PPP1R16B: variants seen among roughly 807,000 people sequenced by gnomAD.
PPP1R16B encodes the protein protein phosphatase 1 regulatory inhibitor subunit 16B.
PPP1R16B carries 14 observed loss-of-function variants against 61.7 expected under a neutral mutation model. The ratio of observed to expected loss-of-function variants is 0.23; its 90% CI spans 0.15 to 0.35. The LOEUF is 0.35. Among genes scored for constraint, PPP1R16B ranks in the 10% least tolerant of loss-of-function variants. PPP1R16B has a pLI of 1.00. For synonymous variants in PPP1R16B, 266 were observed against 305.3 expected (o/e 0.87, Z 1.34); for missense variants, 547 against 752.5 (o/e 0.73, Z 3.19).
intron 2 of PPP1R16B, among the ~76,000 whole-genome samples, chr20:38,889,004 A>G (rs938854255): frequency 5.3e-5 from 8 of 151,936 alleles, no homozygotes; most frequent in African/African-American, 1.9e-4. Context: ...AGTAGGGCCA[A>G]AGAAGGGGCA....
rs957462557 is a variant in PPP1R16B, at chr20:38,891,451, C to A, written c.321+1786C>A. Among the ~76,000 whole-genome samples the A allele has an allele frequency of 3.3e-5, 5 of 152,200 alleles. No individual in the cohort carries two copies. The East Asian group carries it at 7.7e-4, about 23-fold the overall frequency. On this transcript the variant is annotated intron_variant, in intron 3 of 10. Coordinates refer to ENST00000299824, the MANE Select transcript of PPP1R16B (RefSeq NM_015568.4). The stretch of plus-strand genomic sequence containing the variant: ...AATGTATCATGTGACCACTTCCCTG[C>A]AAATTACTTCAGTTATATATTTCAT...
At chr20:38,852,784 A>G (rs1287376007) in intron 2 of PPP1R16B, among the ~76,000 whole-genome samples, 12 of 36,692 alleles carry the variant, frequency 3.3e-4, no homozygotes, top group African/African-American at 5.9e-4. Flanking sequence ...GGGTGGGGGT[A>G]GCATGGGGGG....
At chr20:38,894,373 G>C (rs1246144875) in intron 3 of PPP1R16B, among the ~76,000 whole-genome samples, 1 of 152,150 alleles carries the variant, frequency 6.6e-6, no homozygotes, top group South Asian at 2.1e-4. Flanking sequence ...CCCTGTGGTC[G>C]TTTCTGGAGG....
At chr20:38,886,893 GGCTTAGT>G (rs1369974703) in intron 2 of PPP1R16B, among the ~76,000 whole-genome samples, 1 of 152,216 alleles carries the variant, frequency 6.6e-6, no homozygotes, top group Non-Finnish European at 1.5e-5. Flanking sequence ...GCCCTTGTGG[GGCTTAGT>G]GTCCAATGGG....
At chr20:38,853,506 A>G (rs1451018465) in intron 2 of PPP1R16B, among the ~76,000 whole-genome samples, 2 of 152,236 alleles carry the variant, frequency 1.3e-5, no homozygotes, top group East Asian at 3.8e-4. Context: ...AGAGAAGCTC[A>G]GGACACAGGC....
At chr20:38,817,829 G>A (rs2084747907) in intron 1 of PPP1R16B, among the ~76,000 whole-genome samples, 2 of 152,298 alleles carry the variant, frequency 1.3e-5, no homozygotes, top group South Asian at 4.1e-4. Flanking sequence ...CGGATCACGA[G>A]GTCAGGAGAT....
chr20:38,839,348 T>C (rs1038073691), intron 2 of PPP1R16B, among the ~76,000 whole-genome samples: 3 of 152,250 alleles, frequency 2.0e-5, no homozygotes, highest in Admixed American at 6.5e-5. Context: ...ACCAGCACGG[T>C]GATAACGCAC....
chr20:38,912,116 T>G (rs1331569210), intron 10 of PPP1R16B, among the ~76,000 whole-genome samples: 5 of 148,910 alleles, frequency 3.4e-5, no homozygotes, highest in Non-Finnish European at 5.9e-5. Context: ...TTTTTTTTTT[T>G]GATACAGAGT....
intron 2 of PPP1R16B, among the ~76,000 whole-genome samples, chr20:38,857,699 G>A (rs533116731): frequency 9.2e-5 from 14 of 152,228 alleles, no homozygotes; most frequent in Non-Finnish European, 1.6e-4. Flanking sequence ...TCCATTTTTG[G>A]CAAGTATATT....
intron 2 of PPP1R16B, among the ~76,000 whole-genome samples, chr20:38,884,675 C>T (rs970620693): frequency 1.3e-5 from 2 of 152,156 alleles, no homozygotes; most frequent in African/African-American, 4.8e-5. Flanking sequence ...GTTGTGCGTG[C>T]GCCTGGAGTC....
At chr20:38,889,768 A>C (rs2085278636) in intron 3 of PPP1R16B, 103 bp downstream of exon 3, 29 of 1,215,192 alleles carry the variant, frequency 2.4e-5, no homozygotes, top group Non-Finnish European at 3.4e-5. Context: ...GGAGGAGGGA[A>C]TGAGGGAGGG....
intron 2 of PPP1R16B, among the ~76,000 whole-genome samples, 157 bp downstream of exon 2, chr20:38,836,332 TA>T (rs1429266341): frequency 2.0e-5 from 3 of 150,778 alleles, no homozygotes; most frequent in Non-Finnish European, 4.4e-5. Flanking sequence ...TGGACGTTCC[TA>T]GGAACTTCGA....
chr20:38,887,954 C>T (rs1001332426), intron 2 of PPP1R16B, among the ~76,000 whole-genome samples: 5 of 152,222 alleles, frequency 3.3e-5, no homozygotes, highest in African/African-American at 1.2e-4. Flanking sequence ...ATCCACTGCT[C>T]CTGAGCCCTT....
chr20:38,899,123 G>T (rs1277940431), intron 4 of PPP1R16B, among the ~76,000 whole-genome samples: 1 of 152,138 alleles, frequency 6.6e-6, no homozygotes, highest in African/African-American at 2.4e-5. Flanking sequence ...GTTGGCTCCC[G>T]GGGGGATGGA....
chr20:38,832,951 T>G (rs1184142706), intron 1 of PPP1R16B, among the ~76,000 whole-genome samples: 1 of 151,636 alleles, frequency 6.6e-6, no homozygotes, highest in Non-Finnish European at 1.5e-5. Context: ...AATTACCATA[T>G]GCCTTATCAC....
rs1465545857 is a variant in PPP1R16B, at chr20:38,835,866, G to A, written c.-60G>A. The A allele has an allele frequency of 5.4e-6, 8 of 1,470,186 alleles. No individual in the cohort carries two copies. The South Asian group carries it at 6.7e-5, about 12-fold the overall frequency. 91.1% of individuals were successfully genotyped at this position (1,470,186 alleles called of 1,614,324 possible). A position where few individuals can be genotyped will look rare whatever the true frequency, so the allele number is the denominator to read the frequency against. ...CCAGCCCCACCAGAGGCCCCGCGCT[G>A]CCCTGGCCCCCGGTGCACCGTGCTA... On this transcript the variant is annotated 5_prime_UTR_variant, in exon 2 of 11. Coordinates refer to ENST00000299824, the MANE Select transcript of PPP1R16B (RefSeq NM_015568.4).
intron 2 of PPP1R16B, among the ~76,000 whole-genome samples, chr20:38,871,819 T>C (rs1293338438): frequency 1.3e-5 from 2 of 152,196 alleles, no homozygotes; most frequent in East Asian, 3.8e-4. Flanking sequence ...GTATTTACAA[T>C]CTAGCTCAGC....
chr20:38,914,586 C>G lies in PPP1R16B; in HGVS notation c.1195-3571C>G, dbSNP rs151253790. 4.5e-3 allele frequency among the ~76,000 whole-genome samples: 678 copies of G among 152,314 alleles called. 4 individuals are homozygous for G. The highest frequency in any genetic ancestry group is 0.016 in the African/African-American group (655 of 41,564). ...TCATGAGAAAACCTCTTTCGTCTAACCCACATCCTTCAGGCTGGAGTTAAT... is the reference window on the plus strand; with the variant it reads ...TCATGAGAAAACCTCTTTCGTCTAAGCCACATCCTTCAGGCTGGAGTTAAT... On this transcript the variant is annotated intron_variant, in intron 10 of 10. Coordinates refer to ENST00000299824, the MANE Select transcript of PPP1R16B (RefSeq NM_015568.4).
chr20:38,875,893 T>G (rs946343417), intron 2 of PPP1R16B, among the ~76,000 whole-genome samples: 7 of 151,938 alleles, frequency 4.6e-5, no homozygotes. Flanking sequence ...CACCTTGGAC[T>G]TATATTTGTT....
Sources: gnomAD v4.1 joint callset for allele counts (sites outside exome capture counted in the v4.1 genomes callset) on GRCh38, gnomAD v4.1.1 for gene constraint, MANE v1.5 for transcripts, NCBI Gene and HGNC (gene_info 2026-07-23, HGNC 2026-07-21) for gene names.